The following KIRREL1 variants were observed in gnomAD, a reference collection of about 807,000 sequenced individuals.
KIRREL1 encodes kirre like nephrin family adhesion molecule 1.
A neutral mutation model predicts 83.3 loss-of-function variants in KIRREL1; 25 were observed. That is an observed-to-expected ratio of 0.30 (90% CI 0.22 to 0.42). The LOEUF (loss-of-function observed/expected upper bound fraction) is 0.42. Among genes scored for constraint, KIRREL1 ranks in the 10% least tolerant of loss-of-function variants. KIRREL1 has a pLI of 1.00. For synonymous variants in KIRREL1, 388 were observed against 410.4 expected (o/e 0.95, Z 0.66); for missense variants, 812 against 1,032.3 (o/e 0.79, Z 2.92).
Position 158,094,590 on chromosome 1 carries a change from G to A in KIRREL1, c.1798-54G>A. On this transcript the variant is annotated intron_variant, in intron 14 of 14. Coordinates refer to ENST00000359209, the MANE Select transcript of KIRREL1 (RefSeq NM_018240.7). The surrounding 1 kb of genome is among the most constrained non-coding windows in gnomAD (Gnocchi z 4.6). ...GGCCCAGAAAGCCATGGTGAGACTT[G>A]ATCCCCACCCAAGAGGGAACACTGC... is the stretch of plus-strand genomic sequence containing the variant. The A allele has an allele frequency of 6.9e-7, 1 of 1,450,780 alleles. No homozygotes were observed. The highest frequency in any genetic ancestry group is 9.5e-7 in the Non-Finnish European group (1 of 1,053,564). The allele number at this position is 1,450,780 out of a possible 1,614,324, so 89.9% of individuals were successfully genotyped here.
intron 1 of KIRREL1, among the ~76,000 whole-genome samples, chr1:158,029,719 A>C (rs1198742296): frequency 6.6e-6 from 1 of 152,190 alleles, no homozygotes; most frequent in Non-Finnish European, 1.5e-5. Flanking sequence ...TAGACCTGCT[A>C]ATGTTCAGAC....
At position 158,074,966 on chromosome 1, in the gene KIRREL1, C is replaced by T. The variant is rs536169420; in HGVS notation, c.53-1147C>T. ...AGGAGGCCGTGACTTTTGGGGAGAG[C>T]CGATTTCAGTTACCTGGTATGACAG... On this transcript the variant is annotated intron_variant, in intron 1 of 14. Coordinates refer to ENST00000359209, the MANE Select transcript of KIRREL1 (RefSeq NM_018240.7). 3.9e-4 allele frequency among the ~76,000 whole-genome samples: 59 copies of T among 152,184 alleles called. 1 individual carries two copies. The highest frequency in any genetic ancestry group is 1.4e-3 in the African/African-American group (57 of 41,522).
intron 1 of KIRREL1, among the ~76,000 whole-genome samples, chr1:158,043,355 C>T (rs1401373743): frequency 6.6e-6 from 1 of 151,956 alleles, no homozygotes; most frequent in Non-Finnish European, 1.5e-5. Context: ...GAATCCTGAC[C>T]CCACCCCTCC....
chr1:158,066,667 G>A (rs1442718950), intron 1 of KIRREL1, among the ~76,000 whole-genome samples: 1 of 152,138 alleles, frequency 6.6e-6, no homozygotes, highest in African/African-American at 2.4e-5. Flanking sequence ...TGGATGGAGA[G>A]GACAGAGGCT....
intron 3 of KIRREL1, among the ~76,000 whole-genome samples, chr1:158,079,313 G>T (rs574663105): frequency 1.3e-5 from 2 of 152,074 alleles, no homozygotes; most frequent in Admixed American, 6.5e-5. Context: ...TGTTTGTTTG[G>T]TTGGTTGGTT....
intron 1 of KIRREL1, among the ~76,000 whole-genome samples, chr1:158,020,790 C>T (rs912177947): frequency 7.2e-5 from 11 of 152,192 alleles, no homozygotes; most frequent in African/African-American, 1.7e-4. Context: ...ATCTTCAGTA[C>T]GACATAATTA....
At chr1:158,009,997 C>T (rs1303062167) in intron 1 of KIRREL1, among the ~76,000 whole-genome samples, 4 of 152,158 alleles carry the variant, frequency 2.6e-5, no homozygotes, top group African/African-American at 9.7e-5. Flanking sequence ...ATTTGTGCCT[C>T]TACTGGAGAG....
At chr1:158,024,207 C>T (rs1660091432) in intron 1 of KIRREL1, among the ~76,000 whole-genome samples, 1 of 151,582 alleles carries the variant, frequency 6.6e-6, no homozygotes, top group Non-Finnish European at 1.5e-5. Context: ...CCTGGGCCTC[C>T]CAGAGTGCTA....
chr1:158,094,534 A>C lies in KIRREL1; in HGVS notation c.1798-110A>C. ...GAAGGAGCAGAGGAGGTGGAATGCT[A>C]GATGGGGACATAGGGAGAGCTGGAG... On this transcript the variant is annotated intron_variant, in intron 14 of 14. Transcript: ENST00000359209. The surrounding 1 kb of genome is among the most constrained non-coding windows in gnomAD (Gnocchi z 4.6). 1.6e-6 allele frequency: 2 copies of C among 1,240,786 alleles called. No individual in the cohort carries two copies. Among genetic ancestry groups the C allele is most frequent in the Non-Finnish European group, 2.4e-6 (2 of 849,240 alleles). 76.9% of individuals were successfully genotyped at this position (1,240,786 alleles called of 1,614,324 possible).
chr1:158,077,540 C>G (rs1457646512), intron 2 of KIRREL1, among the ~76,000 whole-genome samples: 1 of 152,182 alleles, frequency 6.6e-6, no homozygotes, highest in Admixed American at 6.5e-5. Flanking sequence ...CTCATCCTTC[C>G]TCCCTGGGCC....
chr1:158,089,958 C>T (rs969924002), intron 10 of KIRREL1, 140 bp downstream of exon 10: 1 of 718,836 alleles, frequency 1.4e-6, no homozygotes, highest in Non-Finnish European at 2.4e-6. Flanking sequence ...TTCTGTCCCT[C>T]TGTCCCTTTA....
intron 1 of KIRREL1, among the ~76,000 whole-genome samples, chr1:158,027,320 C>G (rs1360046281): frequency 6.6e-6 from 1 of 152,156 alleles, no homozygotes; most frequent in Admixed American, 6.5e-5. Flanking sequence ...CTTCTCTGGG[C>G]GTGCTACCCT....
At chr1:158,008,155 C>T (rs1337354093) in intron 1 of KIRREL1, among the ~76,000 whole-genome samples, 1 of 150,956 alleles carries the variant, frequency 6.6e-6, no homozygotes, top group Non-Finnish European at 1.5e-5. Flanking sequence ...TAGCCGGCAG[C>T]GAGGGGGGTG....
intron 1 of KIRREL1, among the ~76,000 whole-genome samples, chr1:158,000,037 C>T (rs1659312555): frequency 6.7e-6 from 1 of 149,480 alleles, no homozygotes; most frequent in South Asian, 2.1e-4. Context: ...GTGACAGAGC[C>T]AGAACTAGAA....
intron 1 of KIRREL1, among the ~76,000 whole-genome samples, chr1:158,018,840 C>T (rs1659916121): frequency 6.6e-6 from 1 of 152,174 alleles, no homozygotes; most frequent in Non-Finnish European, 1.5e-5. Context: ...ACCTGGTATC[C>T]AGCCATCGAT....
intron 10 of KIRREL1, among the ~76,000 whole-genome samples, chr1:158,090,048 C>T (rs1206399125): frequency 2.6e-5 from 4 of 152,108 alleles, no homozygotes; most frequent in Non-Finnish European, 5.9e-5. Context: ...TCGGTTTATT[C>T]ATCTATAAAA....
intron 1 of KIRREL1, among the ~76,000 whole-genome samples, chr1:158,006,305 C>A (rs1659518616): frequency 6.6e-6 from 1 of 152,198 alleles, no homozygotes; most frequent in East Asian, 1.9e-4. Flanking sequence ...TACTCCCTGG[C>A]AAGCAGGAAG....
chr1:158,030,386 A>G (rs1660290630), intron 1 of KIRREL1, among the ~76,000 whole-genome samples: 1 of 152,236 alleles, frequency 6.6e-6, no homozygotes, highest in Non-Finnish European at 1.5e-5. Context: ...AGTCTAAACC[A>G]TCCCAATACC....
At chr1:158,088,666 A>T (rs1354373142) in intron 8 of KIRREL1, among the ~76,000 whole-genome samples, 1 of 150,782 alleles carries the variant, frequency 6.6e-6, no homozygotes, top group East Asian at 2.0e-4. Flanking sequence ...TTGTATTTTT[A>T]GTAGAGACGG....
Sources: allele counts gnomAD v4.1 joint callset (sites outside exome capture counted in the v4.1 genomes callset), GRCh38; gene constraint gnomAD v4.1.1; non-coding constraint Gnocchi (gnomAD v3.1); transcripts MANE v1.5; gene names NCBI Gene and HGNC (gene_info 2026-07-23, HGNC 2026-07-21).